TMEM131: variants seen among roughly 807,000 people sequenced by gnomAD.
The protein encoded by TMEM131 is 2610524E03Rik.
Under a neutral mutation model 211.6 loss-of-function variants are expected in TMEM131, and 66 were observed. The observed-to-expected ratio is 0.31, with a 90% CI of 0.26 to 0.38. The LOEUF is 0.38. Among genes scored for constraint, TMEM131 ranks in the 10% least tolerant of loss-of-function variants. The pLI, the probability that TMEM131 is intolerant of heterozygous loss-of-function variation, is 1.00. For missense variants in TMEM131, 2,036 were observed against 2,299.3 expected (o/e 0.89, Z 2.34); for synonymous variants, 844 against 841.3 (o/e 1.00, Z -0.06).
chr2:97,903,476 T>C (rs1331173282), intron 3 of TMEM131, among the ~76,000 whole-genome samples: 1 of 152,202 alleles, frequency 6.6e-6, no homozygotes, highest in East Asian at 1.9e-4. Context: ...TAGTCAGAGT[T>C]TCATGTAAAA....
At chr2:97,956,238 T>C (rs940766709) in intron 1 of TMEM131, among the ~76,000 whole-genome samples, 2 of 152,060 alleles carry the variant, frequency 1.3e-5, no homozygotes, top group African/African-American at 4.8e-5. Flanking sequence ...AGTATGAAAA[T>C]AATCCACTGG....
intron 1 of TMEM131, among the ~76,000 whole-genome samples, chr2:97,972,106 G>A (rs1679322853): frequency 6.6e-6 from 1 of 152,112 alleles, no homozygotes; most frequent in Admixed American, 6.5e-5. Context: ...TACTCGGGAG[G>A]CTGAGGCAGG....
intron 31 of TMEM131, among the ~76,000 whole-genome samples, chr2:97,777,764 A>G (rs887105719): frequency 3.3e-5 from 5 of 152,208 alleles, no homozygotes; most frequent in Non-Finnish European, 7.3e-5. Flanking sequence ...TTGTTTAATT[A>G]TAATCGTGCC....
chr2:97,939,567 C>A (rs899856134), intron 1 of TMEM131, among the ~76,000 whole-genome samples: 2 of 152,146 alleles, frequency 1.3e-5, no homozygotes, highest in Non-Finnish European at 2.9e-5. Flanking sequence ...CAGGACCAGA[C>A]AGATTCACAG....
intron 4 of TMEM131, among the ~76,000 whole-genome samples, chr2:97,871,076 T>C (rs1013808903): frequency 6.6e-6 from 1 of 152,254 alleles, no homozygotes; most frequent in Non-Finnish European, 1.5e-5. Flanking sequence ...CCATTTTTTT[T>C]ATAGCCATGA....
chr2:97,829,376 G>C (rs931549800), intron 11 of TMEM131, among the ~76,000 whole-genome samples: 3 of 138,552 alleles, frequency 2.2e-5, no homozygotes, highest in Admixed American at 7.1e-5. Context: ...ATCAGCACTC[G>C]GTAAAAACGC....
At chr2:97,820,023 G>T (rs1682036375) in intron 11 of TMEM131, among the ~76,000 whole-genome samples, 1 of 152,240 alleles carries the variant, frequency 6.6e-6, no homozygotes, top group Non-Finnish European at 1.5e-5. Context: ...AATGATCAAA[G>T]ACACTGCTAG....
chr2:97,972,414 A>AAAAGGAAAG lies in TMEM131; in HGVS notation c.187+23053_187+23061dup, dbSNP rs1259825971. ...CCCCTGTTAAAAAAGAAAGAAAAGA[A>AAAAGGAAAG]AAAGGAAAGAAAGGAAAGAAAGGGG... On this transcript the variant is annotated intron_variant, in intron 1 of 40. Transcript: ENST00000186436. Among the ~76,000 whole-genome samples the AAAAGGAAAG allele has an allele frequency of 2.3e-3, 335 of 144,772 alleles. 2 individuals carry two copies. Among genetic ancestry groups the AAAAGGAAAG allele is most frequent in the Non-Finnish European group, 2.9e-3 (193 of 65,688 alleles). The allele number at this position is 144,772 out of a possible 152,430, so 95.0% of individuals were successfully genotyped here. A position where few individuals can be genotyped will look rare whatever the true frequency, so the allele number is the denominator to read the frequency against.
At chr2:97,797,289 C>G in intron 26 of TMEM131, 76 bp downstream of exon 26, 3 of 1,348,256 alleles carry the variant, frequency 2.2e-6, no homozygotes, top group Non-Finnish European at 3.0e-6. Flanking sequence ...GTTAGACATG[C>G]AAATTCATCT....
At chr2:97,791,242 T>C (rs1026542025) in intron 31 of TMEM131, among the ~76,000 whole-genome samples, 1 of 152,214 alleles carries the variant, frequency 6.6e-6, no homozygotes, top group African/African-American at 2.4e-5. Flanking sequence ...ACTTCCAAGC[T>C]CCCAGTGGTG....
intron 3 of TMEM131, among the ~76,000 whole-genome samples, chr2:97,893,217 G>T (rs1229451095): frequency 6.6e-6 from 1 of 152,172 alleles, no homozygotes; most frequent in African/African-American, 2.4e-5. Flanking sequence ...CAAAGGGCAT[G>T]AACTCACCCT....
At chr2:97,935,673 C>A (rs1183040302) in intron 1 of TMEM131, among the ~76,000 whole-genome samples, 1 of 152,060 alleles carries the variant, frequency 6.6e-6, no homozygotes, top group Non-Finnish European at 1.5e-5. Flanking sequence ...AAAAAAGCAA[C>A]AGAGGTACTG....
At chr2:97,931,965 A>G (rs1335137121) in intron 1 of TMEM131, among the ~76,000 whole-genome samples, 2 of 152,296 alleles carry the variant, frequency 1.3e-5, no homozygotes, top group East Asian at 1.9e-4. Context: ...CACAATCTGT[A>G]AAAGTTCCTG....
intron 11 of TMEM131, among the ~76,000 whole-genome samples, chr2:97,830,132 TAAAAAA>T (rs60531384): frequency 8.3e-5 from 6 of 72,350 alleles, no homozygotes; most frequent in East Asian, 3.4e-4. Context: ...CATTATCAGT[TAAAAAA>T]AAAAAAAAAA....
intron 4 of TMEM131, among the ~76,000 whole-genome samples, chr2:97,865,188 C>T (rs752037270): frequency 3.9e-5 from 6 of 152,218 alleles, no homozygotes; most frequent in African/African-American, 1.4e-4. Flanking sequence ...ATACGCATTA[C>T]CAGACAGTAG....
At chr2:97,761,729 G>T in intron 36 of TMEM131, 1 of 266,046 alleles carries the variant, frequency 3.8e-6, no homozygotes, top group Non-Finnish European at 7.1e-6. Context: ...AGGTCTTCAT[G>T]TAAGGCTTAG....
At chr2:97,762,871 T>A (rs1678929091) in intron 35 of TMEM131, 1 of 152,108 alleles carries the variant, frequency 6.6e-6, no homozygotes, top group South Asian at 2.1e-4. Context: ...AAACAAAAAA[T>A]TTCAGTCATA....
In TMEM131 at chr2:97,802,705, G is replaced by C; in HGVS notation, c.2488C>G (p.Leu830Val). Reference sequence around the variant, plus strand: ...AATTTCAAGTGCCGGGGTGAGCTAAGTATGGAAGGCCAGGAGAGCTCAGCA... The same window carrying C: ...AATTTCAAGTGCCGGGGTGAGCTAACTATGGAAGGCCAGGAGAGCTCAGCA... Reference protein sequence around the residue: ...ITAELSWPSILSSPRHLKFPL... With the variant: ...ITAELSWPSIVSSPRHLKFPL... Residue 830 changes from leucine (L) to valine (V), a missense_variant, in exon 23 of 41, where the codon CTT becomes GTT. This residue lies in a region of TMEM131 where 1,623 missense variants were observed against 1,805.9 expected (regional missense o/e 0.90). Coordinates refer to ENST00000186436, the MANE Select transcript of TMEM131 (RefSeq NM_015348.2). 1.9e-6 allele frequency: 3 copies of C among 1,608,536 alleles called. No individual in the cohort carries two copies. Among genetic ancestry groups the C allele is most frequent in the East Asian group, 2.2e-5 (1 of 44,818 alleles).
At chr2:97,853,882 G>A (rs147469753) in intron 5 of TMEM131, among the ~76,000 whole-genome samples, 2 of 152,270 alleles carry the variant, frequency 1.3e-5, no homozygotes, top group East Asian at 3.9e-4. Flanking sequence ...AAGTGGTTTC[G>A]TGAGATGAAA....
Sources: gnomAD v4.1 joint callset for allele counts (sites outside exome capture counted in the v4.1 genomes callset) on GRCh38, gnomAD v4.1.1 for gene constraint, gnomAD v4.1.1 regional missense constraint, MANE v1.5 for transcripts, NCBI Gene and HGNC (gene_info 2026-07-23, HGNC 2026-07-21) for gene names.